The following SPOP variants were observed in gnomAD, a reference collection of about 807,000 sequenced individuals.
The protein encoded by SPOP is speckle-type POZ protein.
SPOP carries 11 observed loss-of-function variants against 45.6 expected under a neutral mutation model. The observed-to-expected ratio is 0.24, with a 90% confidence interval of 0.15 to 0.40. The LOEUF (loss-of-function observed/expected upper bound fraction) is 0.40. Ranked by LOEUF, SPOP falls within the 10% of genes least tolerant of loss-of-function variation. The probability of loss-of-function intolerance (pLI) is 1.00; values close to 1 mark genes in which losing one functional copy is unlikely to be tolerated. For synonymous variants in SPOP, 166 were observed against 166.3 expected (o/e 1.00, Z 0.01); for missense variants, 152 against 465.6 (o/e 0.33, Z 6.20).
chr17:49,633,462 C>T (rs1351074540), intron 1 of SPOP, among the ~76,000 whole-genome samples: 2 of 152,090 alleles, frequency 1.3e-5, no homozygotes, highest in African/African-American at 4.8e-5. Flanking sequence ...CCAAGGAGAC[C>T]TTAGCAGCCA....
intron 1 of SPOP, 133 bp from the exon 2 acceptor site, chr17:49,623,009 A>ATT: frequency 1.9e-6 from 1 of 521,544 alleles, no homozygotes; most frequent in Non-Finnish European, 3.4e-6. Context: ...GAGGTCCTAA[A>ATT]ATTTTTTTTT....
chr17:49,649,434 G>A (rs2072809994), intron 1 of SPOP, among the ~76,000 whole-genome samples: 2 of 152,094 alleles, frequency 1.3e-5, no homozygotes, highest in South Asian at 2.1e-4. Context: ...CTACTAGGGA[G>A]GCTGAGGCAG....
chr17:49,662,490 T>C (rs2073001836), intron 1 of SPOP, among the ~76,000 whole-genome samples: 1 of 152,108 alleles, frequency 6.6e-6, no homozygotes, highest in Non-Finnish European at 1.5e-5. Flanking sequence ...GAGACCAGCC[T>C]GGCTGACATG....
intron 1 of SPOP, among the ~76,000 whole-genome samples, chr17:49,644,246 TCA>T (rs1314042075): frequency 1.3e-5 from 2 of 152,102 alleles, no homozygotes; most frequent in African/African-American, 4.8e-5. Flanking sequence ...GCCAAATTTA[TCA>T]GATTCCAAAA....
intron 1 of SPOP, among the ~76,000 whole-genome samples, chr17:49,672,993 G>C (rs1453988223): frequency 1.3e-5 from 2 of 151,896 alleles, no homozygotes; most frequent in Non-Finnish European, 2.9e-5. Context: ...AATTGTTCTA[G>C]ATTTAAAGAG....
chr17:49,635,765 G>A (rs1315587786), intron 1 of SPOP, among the ~76,000 whole-genome samples: 2 of 151,150 alleles, frequency 1.3e-5, no homozygotes, highest in Non-Finnish European at 2.9e-5. Context: ...CTCCCGAGTA[G>A]CTGGGATTCA....
At chr17:49,617,050 A>G (rs1027925393) in intron 5 of SPOP, among the ~76,000 whole-genome samples, 1 of 152,234 alleles carries the variant, frequency 6.6e-6, no homozygotes, top group Non-Finnish European at 1.5e-5. Context: ...TTCCAAATCA[A>G]GACTGTGAAG....
At chr17:49,624,320 C>T (rs569607942) in intron 1 of SPOP, among the ~76,000 whole-genome samples, 146 of 76,108 alleles carry the variant, frequency 1.9e-3, no homozygotes, top group African/African-American at 6.3e-3. Context: ...CACACACACA[C>T]GCGCGCGCGC....
rs2071717935 is a variant in SPOP, at chr17:49,600,367, C to T, written c.*11G>A. 2 of 1,613,746 alleles carry T rather than the reference C, an allele frequency of 1.2e-6. No homozygotes were observed. Among genetic ancestry groups the T allele is most frequent in the African/African-American group, 1.3e-5 (1 of 75,024 alleles). On this transcript the variant is annotated 3_prime_UTR_variant, in exon 10 of 10. Transcript: ENST00000504102. The surrounding 1 kb of genome is among the most constrained non-coding windows in gnomAD (Gnocchi z 4.2). ...CTGGAAATTAAACGGAGTCTTACAA[C>T]AAGCAGGATCTTAGGATTGCTTCAG...
chr17:49,635,617 C>A (rs946544269), intron 1 of SPOP, among the ~76,000 whole-genome samples: 6 of 144,298 alleles, frequency 4.2e-5, no homozygotes, highest in Non-Finnish European at 9.1e-5. Context: ...CTACAAATTT[C>A]TTTAAGGTAT....
chr17:49,642,973 T>A (rs2072687240), intron 1 of SPOP, among the ~76,000 whole-genome samples: 1 of 152,228 alleles, frequency 6.6e-6, no homozygotes, highest in African/African-American at 2.4e-5. Flanking sequence ...CCACAATACT[T>A]ATTACCTGAA....
rs2071944263 is a variant in SPOP, at chr17:49,610,300, C to A, written c.658+980G>T. Among the ~76,000 whole-genome samples, 3 of 151,766 alleles carry A rather than the reference C, an allele frequency of 2.0e-5. No individual in the cohort carries two copies. The South Asian group carries it at 6.3e-4, about 32-fold the overall frequency. ...GTGGCATGATCTCGGCTCACTGCAA[C>A]CTCCGCCTCCAGGGTTCAAGCGATT... On this transcript the variant is annotated intron_variant, in intron 6 of 9. Coordinates refer to ENST00000504102, the MANE Select transcript of SPOP (RefSeq NM_001007228.2).
At chr17:49,668,117 CAG>C (rs1358314424) in intron 1 of SPOP, 1 of 152,104 alleles carries the variant, frequency 6.6e-6, no homozygotes, top group South Asian at 2.1e-4. Flanking sequence ...TTAGTGAGTA[CAG>C]AGTTTCCGTA....
In SPOP at chr17:49,622,740, T is replaced by A; in HGVS notation, c.71A>T (p.Tyr24Phe). Reference sequence around the variant, plus strand: ...CTGAAAACTTCAACTTACCTGTGTGTAGCACCAACTCTCAGCTACGGGGCC... The same window carrying A: ...CTGAAAACTTCAACTTACCTGTGTGAAGCACCAACTCTCAGCTACGGGGCC... ...SSGPVAESWC[Y>F]TQIKVVKFSY... Residue 24 changes from tyrosine (Y) to phenylalanine (F), a missense_variant, in exon 2 of 10, where the codon TAC (tyrosine) becomes TTC (phenylalanine). This residue lies in a region of SPOP where 18 missense variants were observed against 33.6 expected (regional missense o/e 0.54). Transcript: ENST00000504102. 6.2e-7 allele frequency: 1 copy of A among 1,614,078 alleles called. No homozygotes were observed. Among genetic ancestry groups the A allele is most frequent in the South Asian group, 1.1e-5 (1 of 91,086 alleles).
chr17:49,670,489 A>G (rs1460996060), intron 1 of SPOP, among the ~76,000 whole-genome samples: 2 of 152,362 alleles, frequency 1.3e-5, no homozygotes, highest in East Asian at 3.9e-4. Flanking sequence ...TTTCAGATAA[A>G]TATCAGAATA....
At chr17:49,665,965 C>T (rs868158197) in intron 1 of SPOP, among the ~76,000 whole-genome samples, 1 of 141,698 alleles carries the variant, frequency 7.1e-6, no homozygotes, top group Non-Finnish European at 1.5e-5. Flanking sequence ...GGCAACAGGG[C>T]GAGACTCCAT....
chr17:49,649,267 G>A (rs1374540243), intron 1 of SPOP, among the ~76,000 whole-genome samples: 3 of 152,160 alleles, frequency 2.0e-5, no homozygotes, highest in Non-Finnish European at 4.4e-5. Flanking sequence ...GCCGGGAGCT[G>A]TGGCTCACGC....
chr17:49,621,882 C>T lies in SPOP; in HGVS notation c.200+64G>A, dbSNP rs1597926835. On this transcript the variant is annotated intron_variant, in intron 3 of 9. Coordinates refer to ENST00000504102, the MANE Select transcript of SPOP (RefSeq NM_001007228.2). ...GGAAATTACATTCTTGTCAGTGTCC[C>T]ATAAAACCAAACAAAACAGACAACT... 5 of 1,569,168 alleles carry T rather than the reference C, an allele frequency of 3.2e-6. No individual in the cohort carries two copies. In the South Asian group the frequency reaches 4.5e-5, roughly 14 times the overall value.
intron 9 of SPOP, chr17:49,601,577 G>T: frequency 3.7e-6 from 1 of 273,656 alleles, no homozygotes; most frequent in Non-Finnish European, 7.0e-6. Flanking sequence ...AAGTCACTCA[G>T]TGTGAAGTAA....
Sources: allele counts gnomAD v4.1 joint callset (sites outside exome capture counted in the v4.1 genomes callset), GRCh38; gene constraint gnomAD v4.1.1; regional missense constraint gnomAD v4.1.1; non-coding constraint Gnocchi (gnomAD v3.1); transcripts MANE v1.5; gene names NCBI Gene and HGNC (gene_info 2026-07-23, HGNC 2026-07-21).